The following CYFIP2 variants were observed in gnomAD, a reference collection of about 807,000 sequenced individuals.
CYFIP2 encodes cytoplasmic FMR1-interacting protein 2.
In CYFIP2, 29 loss-of-function variants were observed where a neutral mutation model predicts 158.7. That is an observed-to-expected ratio of 0.18 (90% CI 0.14 to 0.25). The LOEUF is 0.25. CYFIP2 is among the 10% of genes least tolerant of loss of function. The pLI is 1.00. For missense variants in CYFIP2, 852 were observed against 1,639.5 expected, an observed-to-expected ratio of 0.52 and a Z score of 8.29; for synonymous variants, 585 against 617.6, an observed-to-expected ratio of 0.95 and a Z score of 0.78.
chr5:157,350,015 T>G (rs1762963015), intron 23 of CYFIP2, among the ~76,000 whole-genome samples: 1 of 152,224 alleles, frequency 6.6e-6, no homozygotes, highest in Non-Finnish European at 1.5e-5. Context: ...CCTTGTAGAT[T>G]TTGGGTATTA....
At chr5:157,343,766 G>A (rs10062052) in intron 23 of CYFIP2, among the ~76,000 whole-genome samples, 70,364 of 151,812 alleles carry the variant, frequency 0.46, 17,912 homozygotes, top group African/African-American at 0.69. Flanking sequence ...TCAGGCCTAA[G>A]AACAGATGCA....
At chr5:157,284,474 G>T (rs552995701) in intron 1 of CYFIP2, among the ~76,000 whole-genome samples, 121 of 152,248 alleles carry the variant, frequency 7.9e-4, no homozygotes, top group South Asian at 1.9e-3. Context: ...CATCATTTTT[G>T]AAGAAACTTG....
At chr5:157,348,766 C>T (rs777405450) in intron 23 of CYFIP2, among the ~76,000 whole-genome samples, 6 of 152,126 alleles carry the variant, frequency 3.9e-5, no homozygotes, top group East Asian at 1.9e-4. Context: ...AGTTGCTCTG[C>T]GGCTTTCCCA....
chr5:157,273,541 T>A lies in CYFIP2; in HGVS notation c.-24+7346T>A, dbSNP rs915307454. 2.0e-5 allele frequency among the ~76,000 whole-genome samples: 3 copies of A among 152,090 alleles called. No homozygotes were observed. The East Asian group carries it at 5.8e-4, about 29-fold the overall frequency. ...AAACAAGCTAGCTGGGCCTGCCCTG[T>A]ATGGTCTAGTTCACCCCTGCAGTTT... On this transcript the variant is annotated intron_variant, in intron 1 of 30. Transcript: ENST00000620254.
chr5:157,291,794 A>G (rs947450188), intron 3 of CYFIP2, among the ~76,000 whole-genome samples: 1 of 152,274 alleles, frequency 6.6e-6, no homozygotes, highest in African/African-American at 2.4e-5. Flanking sequence ...ATCTGCTGTT[A>G]TACTAATAAG....
chr5:157,351,159 A>G (rs1763042263), intron 23 of CYFIP2, among the ~76,000 whole-genome samples: 1 of 152,176 alleles, frequency 6.6e-6, no homozygotes, highest in Non-Finnish European at 1.5e-5. Context: ...CACTTTAAAA[A>G]TGAGAATATT....
intron 26 of CYFIP2, among the ~76,000 whole-genome samples, chr5:157,381,529 C>CCA (rs1291712571): frequency 9.7e-6 from 1 of 102,830 alleles, no homozygotes. Flanking sequence ...CTCCGTTTCA[C>CCA]AAAAAAAAAA....
chr5:157,352,205 T>C (rs1180772127), intron 23 of CYFIP2, among the ~76,000 whole-genome samples: 1 of 152,222 alleles, frequency 6.6e-6, no homozygotes, highest in Admixed American at 6.5e-5. Context: ...TTAGAAATTG[T>C]TGGTGTGATC....
intron 3 of CYFIP2, among the ~76,000 whole-genome samples, chr5:157,291,483 G>A (rs1017512248): frequency 1.3e-5 from 2 of 152,228 alleles, no homozygotes; most frequent in Admixed American, 6.5e-5. Context: ...GCAGCACAAA[G>A]CACAGAGCCT....
intron 10 of CYFIP2, 133 bp downstream of exon 10, chr5:157,309,967 G>C: frequency 1.2e-6 from 1 of 854,486 alleles, no homozygotes. Flanking sequence ...CACAGGTGCC[G>C]GCCGGAGGGG....
rs535514567 is a variant in CYFIP2 at position 157,292,464 on chromosome 5, C to T, written c.208-2319C>T. 7.2e-4 allele frequency among the ~76,000 whole-genome samples: 109 copies of T among 152,326 alleles called. 1 individual carries two copies. Among genetic ancestry groups the T allele is most frequent in the Admixed American group, 3.5e-3 (53 of 15,306 alleles). On this transcript the variant is annotated intron_variant, in intron 3 of 30. Transcript: ENST00000620254. ...GAACTCCCGACCTCAGGTGATCCACCTGCCTCGGCCTCCCAAAGTGCTGGG... is the reference window on the plus strand; with the variant it reads ...GAACTCCCGACCTCAGGTGATCCACTTGCCTCGGCCTCCCAAAGTGCTGGG...
At chr5:157,333,978 A>G (rs1438600347) in intron 21 of CYFIP2, among the ~76,000 whole-genome samples, 1 of 152,096 alleles carries the variant, frequency 6.6e-6, no homozygotes, top group African/African-American at 2.4e-5. Context: ...AATTAAAACG[A>G]CTCTCTGCTA....
intron 16 of CYFIP2, 64 bp from the exon 17 acceptor site, chr5:157,325,418 A>T (rs1336223776): frequency 1.4e-5 from 21 of 1,475,240 alleles, no homozygotes; most frequent in Non-Finnish European, 1.8e-5. Context: ...ATTAATAAAA[A>T]CAATGAGAAC....
chr5:157,308,256 G>A lies in CYFIP2; in HGVS notation c.900+391G>A, dbSNP rs542426369. 1.6e-3 allele frequency among the ~76,000 whole-genome samples: 236 copies of A among 151,798 alleles called. 2 individuals are homozygous for A. The highest frequency in any genetic ancestry group is 1.9e-4 in the Non-Finnish European group (13 of 67,976). On this transcript the variant is annotated intron_variant, in intron 9 of 30. Transcript: ENST00000620254. ...TAATTTCCAGTATAAATCAGAGCTC[G>A]CAGAAGTAGAATGATTAAAGACTGG...
chr5:157,360,418 G>C, intron 25 of CYFIP2, 46 bp downstream of exon 25: 1 of 1,546,612 alleles, frequency 6.5e-7, no homozygotes, highest in Non-Finnish European at 8.9e-7. Flanking sequence ...GGTGGGGAGG[G>C]AGGCTCTGAC....
At chr5:157,376,623 T>C (rs1041940151) in intron 26 of CYFIP2, 3 of 176,506 alleles carry the variant, frequency 1.7e-5, no homozygotes, top group Admixed American at 6.2e-5. Flanking sequence ...GACATGGAAA[T>C]GTTCAGAATT....
intron 4 of CYFIP2, among the ~76,000 whole-genome samples, chr5:157,295,296 T>C (rs536708654): frequency 2.0e-5 from 3 of 152,376 alleles, no homozygotes; most frequent in Admixed American, 1.3e-4. Context: ...ATGTATTATT[T>C]TGTGTTTATA....
At position 157,394,069 on chromosome 5, in the gene CYFIP2, C is replaced by T. The variant is rs1386313587; in HGVS notation, c.*1069C>T. On this transcript the variant is annotated 3_prime_UTR_variant, in exon 31 of 31. Transcript: ENST00000620254. ...GAGTCCTCTTTTAGGGAATCAGAAC[C>T]TTCATTGTCCTAGAAGCTGAAAGAT... The T allele has an allele frequency of 6.6e-6, 1 of 152,164 alleles. No homozygotes were observed. Among genetic ancestry groups the T allele is most frequent in the Non-Finnish European group, 1.5e-5 (1 of 68,040 alleles). The allele number at this position is 152,164 out of a possible 1,614,324, so 9.4% of individuals were successfully genotyped here.
chr5:157,269,072 A>G (rs1425564865), intron 1 of CYFIP2, among the ~76,000 whole-genome samples: 2 of 152,146 alleles, frequency 1.3e-5, no homozygotes, highest in Admixed American at 6.5e-5. Flanking sequence ...TATGTAATCA[A>G]CCCTTGGCTA....
Sources: gnomAD v4.1 joint callset for allele counts (sites outside exome capture counted in the v4.1 genomes callset) on GRCh38, gnomAD v4.1.1 for gene constraint, MANE v1.5 for transcripts, NCBI Gene and HGNC (gene_info 2026-07-23, HGNC 2026-07-21) for gene names.